Variants in CNKSR2 observed in about 807,000 individuals in gnomAD.
CNKSR2 encodes connector enhancer of kinase suppressor of Ras 2, also known as CNK homolog protein 2.
A neutral mutation model predicts 84.4 loss-of-function variants in CNKSR2; 14 were observed. The ratio of observed to expected loss-of-function variants is 0.17; its 90% CI spans 0.11 to 0.26. The LOEUF (loss-of-function observed/expected upper bound fraction) is 0.26, where lower values mean the gene tolerates loss of function less well. Ranked by LOEUF, CNKSR2 falls within the 10% of genes least tolerant of loss-of-function variation. The pLI is 1.00. For missense variants in CNKSR2, 485 were observed against 771.2 expected (o/e 0.63, Z 4.40); for synonymous variants, 275 against 277.9 (o/e 0.99, Z 0.10).
At chrX:21,640,885 G>A (rs1362233211) in intron 20 of CNKSR2, among the ~76,000 whole-genome samples, 7 of 112,100 alleles carry the variant, frequency 6.2e-5, no homozygotes, top group African/African-American at 2.3e-4. Context: ...TTGGCATGTG[G>A]CTTATGCTCA....
At chrX:21,547,223 G>A (rs1015706469) in intron 11 of CNKSR2, among the ~76,000 whole-genome samples, 2 of 110,940 alleles carry the variant, frequency 1.8e-5, no homozygotes, top group African/African-American at 6.6e-5. Context: ...AAAATAAAGG[G>A]ATGGAGGAAT....
chrX:21,392,142 A>G (rs2090059583), intron 1 of CNKSR2, among the ~76,000 whole-genome samples: 1 of 109,437 alleles, frequency 9.1e-6, no homozygotes, highest in Non-Finnish European at 1.9e-5. Context: ...GGTTACAATC[A>G]TTCAACAAGT....
intron 17 of CNKSR2, among the ~76,000 whole-genome samples, chrX:21,598,161 C>A (rs1023445861): frequency 9.0e-6 from 1 of 110,814 alleles, no homozygotes; most frequent in African/African-American, 3.3e-5. Flanking sequence ...CTTTTAGGCA[C>A]CCCACTACTG....
chrX:21,577,624 C>CA (rs751752560), intron 13 of CNKSR2, among the ~76,000 whole-genome samples: 10 of 108,214 alleles, frequency 9.2e-5, no homozygotes, highest in African/African-American at 3.0e-4. Flanking sequence ...AGGCAATTGG[C>CA]TTTTTTTTTG....
intron 1 of CNKSR2, among the ~76,000 whole-genome samples, chrX:21,389,259 G>A (rs894026763): frequency 1.1e-4 from 11 of 104,345 alleles, no homozygotes; most frequent in African/African-American, 1.4e-4. Flanking sequence ...GGAAAAGTAC[G>A]TTAGGAAAAA....
At chrX:21,560,893 G>T (rs1358143875) in intron 11 of CNKSR2, among the ~76,000 whole-genome samples, 2 of 111,453 alleles carry the variant, frequency 1.8e-5, no homozygotes, top group Non-Finnish European at 3.8e-5. Context: ...TGTAGCAAAA[G>T]AGATGCTTAG....
intron 21 of CNKSR2, among the ~76,000 whole-genome samples, chrX:21,650,797 T>C (rs1035648447): frequency 8.9e-6 from 1 of 112,229 alleles, no homozygotes; most frequent in African/African-American, 3.2e-5. Flanking sequence ...TAGCTTTTAA[T>C]TGGTAGTCAT....
intron 17 of CNKSR2, among the ~76,000 whole-genome samples, chrX:21,599,126 A>T (rs984162787): frequency 8.9e-6 from 1 of 112,288 alleles, no homozygotes; most frequent in Non-Finnish European, 1.9e-5. Flanking sequence ...AAACTTAGTA[A>T]ATCTAGAGTT....
intron 1 of CNKSR2, chrX:21,423,788 A>G (rs887512293): frequency 9.8e-5 from 11 of 111,699 alleles, no homozygotes; most frequent in Admixed American, 1.9e-4. Context: ...CATCAAGAGT[A>G]TGCTAGCATG....
Position 21,531,918 on chromosome X carries a change from A to T in CNKSR2, c.1154A>T (p.His385Leu). ...GGACATATGGTGGGCAAGCCAGTGC[A>T]TAAGGGATCTGAATCACCAAATTCA... is the stretch of plus-strand genomic sequence containing the variant. ...LRGHMVGKPV[H>L]KGSESPNSFL... The change falls in exon 11 of 22, where the codon CAT becomes CTT. Residue 385 changes from histidine (H) to leucine (L), a missense_variant. Around this residue, in one of 5 missense-constraint regions of CNKSR2, gnomAD observed 132 missense variants for 166.7 expected, o/e 0.79. Transcript: ENST00000379510. The T allele has an allele frequency of 8.3e-7, 1 of 1,207,604 alleles. No individual in the cohort carries two copies. Among genetic ancestry groups the T allele is most frequent in the Non-Finnish European group, 1.1e-6 (1 of 892,209 alleles).
chrX:21,448,221 A>G (rs1451985608), intron 4 of CNKSR2, among the ~76,000 whole-genome samples: 4 of 111,761 alleles, frequency 3.6e-5, no homozygotes, highest in Non-Finnish European at 5.6e-5. Flanking sequence ...CAGAGCCTAT[A>G]CATTTATAAA....
chrX:21,448,005 C>T (rs1317911732), intron 4 of CNKSR2, among the ~76,000 whole-genome samples: 1 of 111,005 alleles, frequency 9.0e-6, no homozygotes, highest in Non-Finnish European at 1.9e-5. Flanking sequence ...TATACTCATA[C>T]TTTAGAAGGA....
rs1177298631 is a variant in CNKSR2, at chrX:21,652,286, T to C, written c.2890-20T>C. 25 of 1,158,639 alleles carry C rather than the reference T, an allele frequency of 2.2e-5. No homozygotes were observed. The highest frequency in any genetic ancestry group is 3.6e-5 in the African/African-American group (2 of 56,139). The stretch of plus-strand genomic sequence containing the variant: ...AAAACTTTGTCCCTGTCTTAATTGT[T>C]GAATCCTTTTTCTTTTCAGGCCAGA... On this transcript the variant is annotated intron_variant, in intron 21 of 21. Coordinates refer to ENST00000379510, the MANE Select transcript of CNKSR2 (RefSeq NM_014927.5).
At chrX:21,536,829 G>GTTTT (rs57674975) in intron 11 of CNKSR2, among the ~76,000 whole-genome samples, 78 of 93,104 alleles carry the variant, frequency 8.4e-4, no homozygotes, top group African/African-American at 2.9e-3. Context: ...TCTTCTGTAG[G>GTTTT]TTTTTTTTTT....
Position 21,606,804 on chromosome X carries a change from A to G in CNKSR2, c.2070A>G (p.Glu690=). ...EQDYWSESDK[E]EADTPSTPKQ... ...ATTACTGGAGTGAGAGTGACAAGGA[A>G]GAAGCAGATACTCCATCAACACCAA... The change falls in exon 19 of 22, where the codon GAA becomes GAG. Residue 690 remains glutamate, a synonymous_variant. Coordinates refer to ENST00000379510, the MANE Select transcript of CNKSR2 (RefSeq NM_014927.5). The G allele has an allele frequency of 8.3e-7, 1 of 1,198,533 alleles. No homozygotes were observed. Among genetic ancestry groups the G allele is most frequent in the East Asian group, 3.0e-5 (1 of 33,568 alleles).
intron 13 of CNKSR2, among the ~76,000 whole-genome samples, chrX:21,588,659 G>A (rs780577024): frequency 5.6e-4 from 63 of 111,520 alleles, no homozygotes; most frequent in Non-Finnish European, 3.4e-4. Context: ...AGATAATCTT[G>A]TTAAAAAGAA....
chrX:21,548,320 A>G (rs932227826), intron 11 of CNKSR2, among the ~76,000 whole-genome samples: 3 of 112,109 alleles, frequency 2.7e-5, no homozygotes, highest in Non-Finnish European at 5.6e-5. Context: ...GAAAATCTAG[A>G]AGAAATGGGT....
rs756136806 is a variant in CNKSR2, at chrX:21,479,154, CAT to C, written c.561+8348_561+8349del. Among the ~76,000 whole-genome samples the C allele has an allele frequency of 5.4e-5, 6 of 111,611 alleles. No individual in the cohort carries two copies. The South Asian group carries it at 2.3e-3, about 42-fold the overall frequency. Reference sequence around the variant, plus strand: ...TTAAGCTCTCACTTATACGTGAGAACATGTGGTATTTGACTTTCTGTTTCTGA... The same window carrying C: ...TTAAGCTCTCACTTATACGTGAGAACGTGGTATTTGACTTTCTGTTTCTGA... On this transcript the variant is annotated intron_variant, in intron 5 of 21. Coordinates refer to ENST00000379510, the MANE Select transcript of CNKSR2 (RefSeq NM_014927.5).
intron 9 of CNKSR2, among the ~76,000 whole-genome samples, chrX:21,517,957 C>T (rs959136448): frequency 9.0e-6 from 1 of 111,463 alleles, no homozygotes; most frequent in Non-Finnish European, 1.9e-5. Flanking sequence ...TACTTATTGG[C>T]CGTTGGCATT....
Sources: allele counts gnomAD v4.1 joint callset (sites outside exome capture counted in the v4.1 genomes callset), GRCh38; gene constraint gnomAD v4.1.1; regional missense constraint gnomAD v4.1.1; transcripts MANE v1.5; gene names NCBI Gene and HGNC (gene_info 2026-07-23, HGNC 2026-07-21).